BBX: variants seen among roughly 807,000 people sequenced by gnomAD.
BBX encodes the protein HMG box transcription factor BBX.
BBX carries 30 observed loss-of-function variants against 100.2 expected under a neutral mutation model. The observed-to-expected ratio is 0.30, with a 90% CI of 0.22 to 0.41. The LOEUF (loss-of-function observed/expected upper bound fraction) is 0.41, where lower values mean the gene tolerates loss of function less well. Among genes scored for constraint, BBX ranks in the 10% least tolerant of loss-of-function variants. The pLI is 1.00. For synonymous variants in BBX, 376 were observed against 388.1 expected (o/e 0.97, Z 0.37); for missense variants, 1,023 against 1,129.8 (o/e 0.91, Z 1.35).
In BBX at chr3:107,732,944, T is replaced by G. The variant is rs762007949; in HGVS notation, c.602-12T>G. On this transcript the variant is annotated splice_polypyrimidine_tract_variant and intron_variant, in intron 6 of 17. Coordinates refer to ENST00000325805, the MANE Select transcript of BBX (RefSeq NM_001142568.3). ...TGCTTATAAGTTGGTGATTTGTTTT[T>G]GACTTATTTAGATCCTACTCAAATG... 1.2e-6 allele frequency: 2 copies of G among 1,610,892 alleles called. No homozygotes were observed. Among genetic ancestry groups the G allele is most frequent in the African/African-American group, 1.3e-5 (1 of 74,872 alleles).
At chr3:107,726,676 C>G (rs750702328) in intron 5 of BBX, among the ~76,000 whole-genome samples, 5 of 151,992 alleles carry the variant, frequency 3.3e-5, no homozygotes, top group Non-Finnish European at 7.4e-5. Context: ...ATTGTGAAAG[C>G]ATTTTTCCTG....
At chr3:107,774,168 CATT>C (rs751611151) in intron 11 of BBX, among the ~76,000 whole-genome samples, 116 of 152,326 alleles carry the variant, frequency 7.6e-4, no homozygotes, top group Non-Finnish European at 1.5e-4. Context: ...CTCTTTAAAA[CATT>C]ATAATGTCCA....
intron 2 of BBX, among the ~76,000 whole-genome samples, chr3:107,635,831 C>T (rs1020826704): frequency 6.6e-6 from 1 of 151,840 alleles, no homozygotes; most frequent in Admixed American, 6.6e-5. Flanking sequence ...CCTGCCTCAG[C>T]CTCCCGAGTA....
At chr3:107,737,308 G>C (rs201213331) in intron 7 of BBX, among the ~76,000 whole-genome samples, 40 of 1,486 alleles carry the variant, frequency 0.027, no homozygotes, top group African/African-American at 0.028. Context: ...TACACACAGA[G>C]AGAGAGAGAG....
intron 10 of BBX, among the ~76,000 whole-genome samples, chr3:107,762,628 A>T (rs2065984880): frequency 6.6e-6 from 1 of 152,222 alleles, no homozygotes; most frequent in Non-Finnish European, 1.5e-5. Flanking sequence ...TTGTAAATAT[A>T]CCTTGGCTGC....
intron 2 of BBX, among the ~76,000 whole-genome samples, chr3:107,634,536 A>T (rs1402715954): frequency 6.6e-6 from 1 of 152,216 alleles, no homozygotes; most frequent in Non-Finnish European, 1.5e-5. Context: ...TTTCAAGCCT[A>T]TCAAGTCTAT....
intron 2 of BBX, among the ~76,000 whole-genome samples, chr3:107,554,878 G>A (rs1324770284): frequency 6.6e-6 from 1 of 152,242 alleles, no homozygotes; most frequent in East Asian, 1.9e-4. Context: ...AGACCAGCCT[G>A]ACCAACATGG....
intron 3 of BBX, among the ~76,000 whole-genome samples, chr3:107,691,187 C>T (rs896095724): frequency 6.6e-6 from 1 of 152,062 alleles, no homozygotes; most frequent in Non-Finnish European, 1.5e-5. Context: ...GGATTACAGA[C>T]ATGAGCCATG....
chr3:107,665,771 A>G (rs1559938349), intron 3 of BBX, among the ~76,000 whole-genome samples: 1 of 152,072 alleles, frequency 6.6e-6, no homozygotes, highest in African/African-American at 2.4e-5. Flanking sequence ...TACCTTTGTT[A>G]TTTGCTATAC....
intron 2 of BBX, among the ~76,000 whole-genome samples, chr3:107,527,250 CT>C (rs36038272): frequency 0.23 from 34,995 of 152,044 alleles, 4,559 homozygotes; most frequent in Non-Finnish European, 0.3. Context: ...CCCAGGTACT[CT>C]TGAGTTGTTG....
chr3:107,697,675 G>C (rs546307476), intron 3 of BBX, among the ~76,000 whole-genome samples: 1 of 152,014 alleles, frequency 6.6e-6, no homozygotes, highest in African/African-American at 2.4e-5. Flanking sequence ...GCCCCCAGAG[G>C]TGGAGCCTAC....
intron 2 of BBX, among the ~76,000 whole-genome samples, chr3:107,624,268 A>G (rs796852835): frequency 6.6e-6 from 1 of 152,324 alleles, no homozygotes; most frequent in African/African-American, 2.4e-5. Flanking sequence ...CTTTTTATCC[A>G]TTACATAAAA....
intron 2 of BBX, among the ~76,000 whole-genome samples, chr3:107,563,644 A>G (rs1034489452): frequency 6.6e-6 from 1 of 152,186 alleles, no homozygotes; most frequent in African/African-American, 2.4e-5. Flanking sequence ...GGCCTGTTTC[A>G]TTTTTGTACT....
intron 13 of BBX, among the ~76,000 whole-genome samples, chr3:107,786,858 A>C (rs1253701773): frequency 1.3e-5 from 2 of 152,186 alleles, no homozygotes; most frequent in Non-Finnish European, 2.9e-5. Flanking sequence ...AAGACATCCC[A>C]CAGAATGGGA....
chr3:107,539,659 A>G (rs962979270), intron 2 of BBX, among the ~76,000 whole-genome samples: 2 of 152,184 alleles, frequency 1.3e-5, no homozygotes, highest in African/African-American at 4.8e-5. Context: ...ATTTCTTTAT[A>G]AATTATATAT....
At chr3:107,724,183 G>A (rs1282184921) in intron 5 of BBX, among the ~76,000 whole-genome samples, 2 of 152,148 alleles carry the variant, frequency 1.3e-5, no homozygotes, top group African/African-American at 4.8e-5. Flanking sequence ...ATTTTTTCAT[G>A]TGTCTGTTGG....
chr3:107,524,807 G>GA (rs1490039782), intron 1 of BBX, among the ~76,000 whole-genome samples: 1 of 146,430 alleles, frequency 6.8e-6, no homozygotes, highest in African/African-American at 2.5e-5. Flanking sequence ...GGAGGTGGGG[G>GA]GGGGGGCGAA....
intron 7 of BBX, among the ~76,000 whole-genome samples, chr3:107,737,350 CTTAGCAGAAA>C (rs1411518730): frequency 2.4e-4 from 37 of 151,452 alleles, no homozygotes; most frequent in African/African-American, 8.5e-4. Flanking sequence ...CTATTGAAAA[CTTAGCAGAAA>C]TTACCGTTGT....
chr3:107,654,671 A>G (rs1249964489), intron 3 of BBX, among the ~76,000 whole-genome samples: 1 of 152,076 alleles, frequency 6.6e-6, no homozygotes, highest in Non-Finnish European at 1.5e-5. Flanking sequence ...CTTAAAAAAT[A>G]TGTTTTTGTT....
Sources: gnomAD v4.1 joint callset for allele counts (sites outside exome capture counted in the v4.1 genomes callset) on GRCh38, gnomAD v4.1.1 for gene constraint, MANE v1.5 for transcripts, NCBI Gene and HGNC (gene_info 2026-07-23, HGNC 2026-07-21) for gene names.